Variants in CCDC178 observed in about 807,000 individuals in gnomAD.
CCDC178 encodes the protein coiled-coil domain containing 178, also known as coiled-coil domain-containing protein 178.
Under a neutral mutation model 117.4 loss-of-function variants are expected in CCDC178, and 126 were observed. The observed-to-expected ratio is 1.07, with a 90% CI of 0.93 to 1.24. The LOEUF (loss-of-function observed/expected upper bound fraction) is 1.24, where lower values mean the gene tolerates loss of function less well. CCDC178 is among the 50% of genes most tolerant of loss of function. The pLI is 0.00. For missense variants in CCDC178, 1,030 were observed against 986.9 expected, an observed-to-expected ratio of 1.04 and a Z score of -0.59; for synonymous variants, 283 against 313.4, an observed-to-expected ratio of 0.90 and a Z score of 1.02.
At chr18:32,945,985 A>T (rs1384634196) in intron 22 of CCDC178, among the ~76,000 whole-genome samples, 1 of 152,064 alleles carries the variant, frequency 6.6e-6, no homozygotes, top group East Asian at 1.9e-4. Context: ...AAGCTTTAGG[A>T]TAATTGTCTC....
chr18:33,256,182 TA>T (rs1174043289), intron 14 of CCDC178, among the ~76,000 whole-genome samples: 2 of 152,032 alleles, frequency 1.3e-5, no homozygotes, highest in East Asian at 1.9e-4. Flanking sequence ...TTAATAACAG[TA>T]AAAGGGAACT....
At chr18:33,045,622 A>C (rs949600432) in intron 21 of CCDC178, among the ~76,000 whole-genome samples, 1 of 152,202 alleles carries the variant, frequency 6.6e-6, no homozygotes, top group African/African-American at 2.4e-5. Flanking sequence ...ATAAATTCTG[A>C]TCTTGATAAA....
chr18:33,264,945 T>TCA, intron 14 of CCDC178, among the ~76,000 whole-genome samples: 1 of 152,222 alleles, frequency 6.6e-6, no homozygotes, highest in East Asian at 1.9e-4. Flanking sequence ...GTGCCTGCTG[T>TCA]CACACACTCT....
chr18:33,116,857 A>G (rs1600999), intron 20 of CCDC178, among the ~76,000 whole-genome samples: 24,281 of 151,688 alleles, frequency 0.16, 2,718 homozygotes, highest in African/African-American at 0.32. Context: ...TATTATATGC[A>G]GACATCACCT....
At chr18:33,401,240 A>G (rs1397984771) in intron 3 of CCDC178, among the ~76,000 whole-genome samples, 1 of 152,250 alleles carries the variant, frequency 6.6e-6, no homozygotes, top group Admixed American at 6.5e-5. Context: ...ACATTGATAC[A>G]TGAAGTTTTT....
rs571853612 is a variant in CCDC178, at chr18:33,046,472, C to G, written c.2388+46289G>C. Among the ~76,000 whole-genome samples, 20 of 152,020 alleles carry G rather than the reference C, an allele frequency of 1.3e-4. No homozygotes were observed. The South Asian group carries it at 3.7e-3, about 28-fold the overall frequency. Reference sequence around the variant, plus strand: ...CTACTGTTTTAATATAAAATAAGTACAGCATATACCTGTTAAAAATGAAAA... The same window carrying G: ...CTACTGTTTTAATATAAAATAAGTAGAGCATATACCTGTTAAAAATGAAAA... On this transcript the variant is annotated intron_variant, in intron 21 of 22. Transcript: ENST00000383096.
At chr18:33,141,796 GA>G (rs1311082427) in intron 20 of CCDC178, among the ~76,000 whole-genome samples, 2 of 152,036 alleles carry the variant, frequency 1.3e-5, no homozygotes, top group Admixed American at 1.3e-4. Flanking sequence ...CTGATCATGC[GA>G]CAACATTCTG....
rs191072981 is a variant in CCDC178, at chr18:32,953,126, T to G, written c.2524-15035A>C. On this transcript the variant is annotated intron_variant, in intron 22 of 22. Transcript: ENST00000383096. ...TCTTGAACACTTTGCCACTTAGAAA[T>G]TTCTTCCACCAGATACCCTAAATCA... is the stretch of plus-strand genomic sequence containing the variant. 1.3e-3 allele frequency among the ~76,000 whole-genome samples: 195 copies of G among 152,240 alleles called. 1 individual carries two copies. The highest frequency in any genetic ancestry group is 2.1e-3 in the Non-Finnish European group (146 of 68,020).
chr18:33,221,243 A>C (rs139197175), intron 18 of CCDC178, among the ~76,000 whole-genome samples: 2 of 152,226 alleles, frequency 1.3e-5, no homozygotes, highest in African/African-American at 4.8e-5. Flanking sequence ...TTAAACTTGC[A>C]GTGCTCTTTG....
chr18:33,001,095 A>G (rs191572517), intron 21 of CCDC178, among the ~76,000 whole-genome samples: 3 of 152,336 alleles, frequency 2.0e-5, no homozygotes, highest in Admixed American at 6.5e-5. Context: ...TGGAATTTTT[A>G]TTAGTTTTCT....
intron 21 of CCDC178, among the ~76,000 whole-genome samples, chr18:33,042,353 T>G (rs753314738): frequency 2.0e-5 from 3 of 151,870 alleles, no homozygotes; most frequent in Non-Finnish European, 4.4e-5. Flanking sequence ...TATTTTAATA[T>G]TATAGAAAGT....
chr18:33,227,556 G>GTGTGTGTATATATATATATATA (rs1216398577), intron 15 of CCDC178, among the ~76,000 whole-genome samples: 1 of 110,934 alleles, frequency 9.0e-6, no homozygotes, highest in Non-Finnish European at 1.8e-5. Context: ...GTGTGTGTGT[G>GTGTGTGTATATATATATATATA]TATATATATA....
intron 11 of CCDC178, among the ~76,000 whole-genome samples, chr18:33,306,890 T>C (rs2062263214): frequency 6.6e-6 from 1 of 152,122 alleles, no homozygotes; most frequent in Non-Finnish European, 1.5e-5. Context: ...GATGATTTTA[T>C]AAGGGGCTTC....
rs78137204 is a variant in CCDC178 at position 32,940,857 on chromosome 18, T to G, written c.2524-2766A>C. Among the ~76,000 whole-genome samples, 441 of 152,230 alleles carry G rather than the reference T, an allele frequency of 2.9e-3. 3 individuals carry two copies. The highest frequency in any genetic ancestry group is 0.01 in the African/African-American group (424 of 41,546). On this transcript the variant is annotated intron_variant, in intron 22 of 22. Transcript: ENST00000383096. ...AATGAAATCAGAATCAACCTCCCTT[T>G]CTAAACTCATTGGATTTGCTTTATG...
In CCDC178 at chr18:33,226,844, T is replaced by G; in HGVS notation, c.1605A>C (p.Glu535Asp). ...CACCTTGAGTGAGTTTTTTCAGGAA[T>G]TCTTCTCTACCCTATATGTTAGGAA... ...EVRRKFKGRE[E>D]FLKKLTQGEV... The change falls in exon 16 of 23, where the codon GAA (glutamate) becomes GAC (aspartate). Residue 535 changes from glutamate (E) to aspartate (D), a missense_variant. Physicochemically the swap from Glu to Asp is conservative, Grantham distance 45. Transcript: ENST00000383096. 6.3e-7 allele frequency: 1 copy of G among 1,597,900 alleles called. No homozygotes were observed. The highest frequency in any genetic ancestry group is 8.6e-7 in the Non-Finnish European group (1 of 1,168,108).
chr18:33,245,484 TTAA>T (rs1359442210), intron 14 of CCDC178, 56 bp from the exon 15 acceptor site: 7 of 1,277,538 alleles, frequency 5.5e-6, no homozygotes, highest in Non-Finnish European at 6.1e-6. Flanking sequence ...ACAAACATAT[TTAA>T]TAATAGTAAA....
chr18:33,007,108 T>C (rs2055767590), intron 21 of CCDC178, among the ~76,000 whole-genome samples: 1 of 152,088 alleles, frequency 6.6e-6, no homozygotes, highest in Non-Finnish European at 1.5e-5. Context: ...TAAAACACGA[T>C]TTTAAAAGCT....
chr18:32,976,290 T>A (rs561440914), intron 21 of CCDC178, among the ~76,000 whole-genome samples: 41 of 152,250 alleles, frequency 2.7e-4, no homozygotes, highest in African/African-American at 8.9e-4. Context: ...TGTATCTTGA[T>A]ATACTCATTA....
intron 22 of CCDC178, among the ~76,000 whole-genome samples, chr18:32,969,655 A>C (rs566764973): frequency 3.2e-4 from 48 of 152,134 alleles, no homozygotes; most frequent in African/African-American, 1.1e-3. Context: ...GCTGCTCTCT[A>C]GTGTGTCAAT....
Sources: gnomAD v4.1 joint callset for allele counts (sites outside exome capture counted in the v4.1 genomes callset) on GRCh38, gnomAD v4.1.1 for gene constraint, MANE v1.5 for transcripts, NCBI Gene and HGNC (gene_info 2026-07-23, HGNC 2026-07-21) for gene names.